CSMD2: variants seen among roughly 807,000 people sequenced by gnomAD.
CSMD2 encodes the protein CUB and Sushi multiple domains 2.
A neutral mutation model predicts 398.5 loss-of-function variants in CSMD2; 130 were observed. The ratio of observed to expected loss-of-function variants is 0.33; its 90% CI spans 0.28 to 0.38. CSMD2 has a LOEUF of 0.38. Ranked by LOEUF, CSMD2 falls within the 10% of genes least tolerant of loss-of-function variation. CSMD2 has a pLI of 1.00. For synonymous variants in CSMD2, 1,828 were observed against 1,908.5 expected (o/e 0.96, Z 1.10); for missense variants, 3,829 against 4,764.9 (o/e 0.80, Z 5.78).
chr1:33,796,601 GT>G (rs1471285514), intron 10 of CSMD2, among the ~76,000 whole-genome samples: 3 of 151,246 alleles, frequency 2.0e-5, no homozygotes, highest in African/African-American at 7.4e-5. Flanking sequence ...CCACTATTGT[GT>G]TAACTGTACA....
chr1:33,768,714 C>G (rs1166725551), intron 13 of CSMD2, among the ~76,000 whole-genome samples: 4 of 152,136 alleles, frequency 2.6e-5, no homozygotes, highest in African/African-American at 4.8e-5. Context: ...TCCCTTCCAA[C>G]TCTCCAAAAG....
At chr1:33,915,396 T>C (rs193169408) in intron 5 of CSMD2, among the ~76,000 whole-genome samples, 7 of 152,348 alleles carry the variant, frequency 4.6e-5, no homozygotes, top group Admixed American at 1.3e-4. Context: ...ATAATTGCTA[T>C]GCAAGTATAA....
Position 33,537,078 on chromosome 1 carries a change from A to C in CSMD2, c.9823T>G (p.Cys3275Gly). 6.2e-7 allele frequency: 1 copy of C among 1,614,180 alleles called. No homozygotes were observed. Among genetic ancestry groups the C allele is most frequent in the Non-Finnish European group, 8.5e-7 (1 of 1,180,024 alleles). Residue 3275 changes from cysteine to glycine, a missense_variant, in exon 62 of 71, where the codon TGT (cysteine) becomes GGT (glycine). Transcript: ENST00000373381. This position sits in a 1 kb window ranked among gnomAD's most constrained non-coding sequence, Gnocchi z 4.6. ...PSCIDPTLTT[C>G]ADPGVPQFGI... ...AACTGTGGCACACCAGGGTCCGCAC[A>C]CGTGGTCAGGGTCGGATCTGGATGG... is the stretch of plus-strand genomic sequence containing the variant.
intron 6 of CSMD2, among the ~76,000 whole-genome samples, chr1:33,842,200 C>T (rs1660923425): frequency 6.6e-6 from 1 of 152,220 alleles, no homozygotes; most frequent in Non-Finnish European, 1.5e-5. Flanking sequence ...CCCACTCCCA[C>T]CAAATCTAAC....
intron 13 of CSMD2, among the ~76,000 whole-genome samples, chr1:33,766,548 G>A (rs762006591): frequency 5.3e-5 from 8 of 152,220 alleles, no homozygotes; most frequent in African/African-American, 1.9e-4. Flanking sequence ...ATATAATGGT[G>A]TCTATCTCCA....
At chr1:33,793,426 T>C (rs535327154) in intron 10 of CSMD2, among the ~76,000 whole-genome samples, 3 of 152,062 alleles carry the variant, frequency 2.0e-5, no homozygotes, top group African/African-American at 7.2e-5. Context: ...TGTCTGTTGC[T>C]AGCAGATCTA....
intron 25 of CSMD2, among the ~76,000 whole-genome samples, chr1:33,678,802 A>G (rs1284020169): frequency 2.0e-5 from 3 of 152,232 alleles, no homozygotes; most frequent in Non-Finnish European, 4.4e-5. Context: ...TGGTGTCTAT[A>G]GCAAAATAAA....
At chr1:33,585,462 C>T (rs1014824591) in intron 46 of CSMD2, among the ~76,000 whole-genome samples, 2 of 152,172 alleles carry the variant, frequency 1.3e-5, no homozygotes, top group African/African-American at 4.8e-5. Context: ...AGGATTCTGC[C>T]TGAGTAGCTT....
intron 29 of CSMD2, among the ~76,000 whole-genome samples, chr1:33,643,657 G>C (rs903186806): frequency 1.3e-5 from 2 of 152,212 alleles, no homozygotes; most frequent in African/African-American, 4.8e-5. Context: ...CAGTTATGAA[G>C]TGATGGAGCC....
intron 68 of CSMD2, among the ~76,000 whole-genome samples, chr1:33,521,249 T>A (rs3795421): frequency 0.17 from 25,320 of 152,038 alleles, 2,671 homozygotes; most frequent in East Asian, 0.38. Flanking sequence ...GGAAACTTTG[T>A]CAAAGGTTGA....
At position 33,771,240 on chromosome 1, in the gene CSMD2, GC is replaced by G. The variant is rs374656165; in HGVS notation, c.1846+1328del. ...TCAGGCCCTGCTTCTGCAGAGCCCTGCCCCGTGCACCTGTCCCTGGGCTTGG... is the reference window on the plus strand; with the variant it reads ...TCAGGCCCTGCTTCTGCAGAGCCCTGCCCGTGCACCTGTCCCTGGGCTTGG... On this transcript the variant is annotated intron_variant, in intron 13 of 70. Coordinates refer to ENST00000373381, the MANE Select transcript of CSMD2 (RefSeq NM_001281956.2). Among the ~76,000 whole-genome samples the G allele has an allele frequency of 4.2e-3, 642 of 152,268 alleles. 3 individuals carry two copies. Among genetic ancestry groups the G allele is most frequent in the African/African-American group, 0.014 (594 of 41,552 alleles).
chr1:34,132,808 C>T (rs1663502111), intron 1 of CSMD2, among the ~76,000 whole-genome samples: 1 of 152,226 alleles, frequency 6.6e-6, no homozygotes, highest in Non-Finnish European at 1.5e-5. Flanking sequence ...ATCCCACATC[C>T]CTTTCCTCAG....
intron 7 of CSMD2, 104 bp from the exon 8 acceptor site, chr1:33,820,660 C>T: frequency 2.6e-6 from 2 of 775,632 alleles, no homozygotes; most frequent in South Asian, 3.3e-5. Flanking sequence ...GAGGTGGAGG[C>T]AGAGACAGAA....
At chr1:33,760,695 G>GA (rs1159856640) in intron 13 of CSMD2, among the ~76,000 whole-genome samples, 1 of 152,152 alleles carries the variant, frequency 6.6e-6, no homozygotes, top group Non-Finnish European at 1.5e-5. Flanking sequence ...TCAACGCAAT[G>GA]AAGTTTGTGA....
chr1:33,908,876 C>T (rs1570469851), intron 5 of CSMD2, among the ~76,000 whole-genome samples: 1 of 152,284 alleles, frequency 6.6e-6, no homozygotes, highest in East Asian at 1.9e-4. Context: ...TTTTAAAGGG[C>T]TGGTTATTTA....
At chr1:33,561,517 A>T (rs1272698250) in intron 53 of CSMD2, among the ~76,000 whole-genome samples, 1 of 152,200 alleles carries the variant, frequency 6.6e-6, no homozygotes, top group Non-Finnish European at 1.5e-5. Flanking sequence ...GCCTTTTATG[A>T]GCTAGGTACT....
chr1:33,648,354 T>G (rs1432869658), intron 28 of CSMD2, among the ~76,000 whole-genome samples: 1 of 137,326 alleles, frequency 7.3e-6, no homozygotes, highest in Non-Finnish European at 1.5e-5. Flanking sequence ...AGAGCGAGAC[T>G]CTGTCTCAAA....
chr1:34,159,328 GC>G (rs753448817), intron 1 of CSMD2, among the ~76,000 whole-genome samples: 1,656 of 80,604 alleles, frequency 0.021, 104 homozygotes, highest in Admixed American at 0.15. Context: ...TTTACAGCCT[GC>G]CCCCCCCCCA....
At chr1:34,028,913 G>A (rs1650053869) in intron 3 of CSMD2, among the ~76,000 whole-genome samples, 1 of 152,134 alleles carries the variant, frequency 6.6e-6, no homozygotes, top group Non-Finnish European at 1.5e-5. Context: ...GGCAGCAGCC[G>A]TGGGCTGACA....
Sources: allele counts gnomAD v4.1 joint callset (sites outside exome capture counted in the v4.1 genomes callset), GRCh38; gene constraint gnomAD v4.1.1; non-coding constraint Gnocchi (gnomAD v3.1); transcripts MANE v1.5; gene names NCBI Gene and HGNC (gene_info 2026-07-23, HGNC 2026-07-21).